Variants in CPED1 observed in about 807,000 individuals in gnomAD.
CPED1 encodes cadherin like and PC-esterase domain containing 1.
Under a neutral mutation model 128.2 loss-of-function variants are expected in CPED1, and 114 were observed. That is an observed-to-expected ratio of 0.89 (90% CI 0.76 to 1.04). The LOEUF (loss-of-function observed/expected upper bound fraction) is 1.04. Among genes scored for constraint, CPED1 ranks in the 50% least tolerant of loss-of-function variants. The probability of loss-of-function intolerance (pLI) is 0.00; values close to 1 mark genes in which losing one functional copy is unlikely to be tolerated. For synonymous variants in CPED1, 462 were observed against 426.7 expected, an observed-to-expected ratio of 1.08 and a Z score of -1.02; for missense variants, 1,211 against 1,207.1, an observed-to-expected ratio of 1.00 and a Z score of -0.05.
In CPED1 at chr7:121,099,391, A is replaced by G. The variant is rs185959131; in HGVS notation, c.750-535A>G. 2.4e-4 allele frequency among the ~76,000 whole-genome samples: 37 copies of G among 152,236 alleles called. 1 individual carries two copies. Among genetic ancestry groups the G allele is most frequent in the African/African-American group, 8.4e-4 (35 of 41,546 alleles). On this transcript the variant is annotated intron_variant, in intron 6 of 22. Transcript: ENST00000310396. ...ATTAATTAATTTATTTATTTGAGAC[A>G]AAGTCTTGCTCTGTTGCCCAAGCTG...
chr7:121,092,504 C>T (rs1276913575), intron 5 of CPED1, among the ~76,000 whole-genome samples: 1 of 152,124 alleles, frequency 6.6e-6, no homozygotes, highest in East Asian at 1.9e-4. Context: ...GAATCTTTGC[C>T]GTCATGGAGC....
At chr7:121,089,874 A>G (rs946662522) in intron 5 of CPED1, among the ~76,000 whole-genome samples, 3 of 152,166 alleles carry the variant, frequency 2.0e-5, no homozygotes, top group African/African-American at 7.2e-5. Context: ...TTTTTAAAAA[A>G]ATGTCATTTC....
At chr7:121,128,622 T>C (rs948590034) in intron 11 of CPED1, 136 bp downstream of exon 11, 9 of 582,046 alleles carry the variant, frequency 1.5e-5, no homozygotes, top group Admixed American at 3.0e-5. Flanking sequence ...TACTTTGCTC[T>C]TTCAGAGATC....
intron 16 of CPED1, among the ~76,000 whole-genome samples, chr7:121,180,576 A>G (rs920450925): frequency 6.6e-6 from 1 of 152,022 alleles, no homozygotes; most frequent in Non-Finnish European, 1.5e-5. Flanking sequence ...GGGTTCTCTC[A>G]GTGGGTCACA....
intron 16 of CPED1, among the ~76,000 whole-genome samples, chr7:121,159,106 T>C (rs935175852): frequency 6.6e-6 from 1 of 152,112 alleles, no homozygotes; most frequent in East Asian, 1.9e-4. Flanking sequence ...TTTCAGACTC[T>C]CTCCAAAACT....
chr7:121,047,619 C>T (rs2116904883), intron 4 of CPED1, among the ~76,000 whole-genome samples: 1 of 150,894 alleles, frequency 6.6e-6, no homozygotes, highest in Admixed American at 6.6e-5. Context: ...ACTTGATATT[C>T]CTACAATTCG....
intron 4 of CPED1, chr7:121,052,082 T>C (rs1007206323): frequency 6.6e-6 from 1 of 152,378 alleles, no homozygotes; most frequent in African/African-American, 2.4e-5. Context: ...GTATGCTGTT[T>C]CAGACCATTA....
chr7:121,023,923 A>C (rs1792504113), intron 3 of CPED1, among the ~76,000 whole-genome samples: 1 of 152,154 alleles, frequency 6.6e-6, no homozygotes, highest in African/African-American at 2.4e-5. Flanking sequence ...TGCCTAGAAC[A>C]CGTTTGACAT....
chr7:121,072,841 A>G (rs1487121054), intron 5 of CPED1, among the ~76,000 whole-genome samples: 1 of 152,222 alleles, frequency 6.6e-6, no homozygotes, highest in African/African-American at 2.4e-5. Context: ...ATTTCATACG[A>G]AAAATTTAAA....
chr7:121,222,807 G>C (rs894026241), intron 16 of CPED1, among the ~76,000 whole-genome samples: 1 of 152,150 alleles, frequency 6.6e-6, no homozygotes, highest in South Asian at 2.1e-4. Context: ...CATTGATTTT[G>C]TATCCTGAGA....
chr7:121,123,998 G>A (rs1000297132), intron 7 of CPED1, among the ~76,000 whole-genome samples: 5 of 152,070 alleles, frequency 3.3e-5, no homozygotes, highest in African/African-American at 9.7e-5. Context: ...CTGAGCAGTG[G>A]GTGGCAAGCC....
At chr7:121,141,827 A>G (rs189840846) in intron 15 of CPED1, 146 bp from the exon 16 acceptor site, 1 of 586,330 alleles carries the variant, frequency 1.7e-6, no homozygotes, top group Non-Finnish European at 2.9e-6. Context: ...ATTTATTTTC[A>G]TAGTTTAGGT....
chr7:121,166,678 T>C (rs1004640304), intron 16 of CPED1, among the ~76,000 whole-genome samples: 2 of 152,182 alleles, frequency 1.3e-5, no homozygotes, highest in Admixed American at 1.3e-4. Flanking sequence ...ATTATTTTGG[T>C]TCTTCTTCTT....
At chr7:121,168,986 A>G (rs935188997) in intron 16 of CPED1, among the ~76,000 whole-genome samples, 6 of 152,236 alleles carry the variant, frequency 3.9e-5, no homozygotes, top group South Asian at 2.1e-4. Context: ...GTATACATTT[A>G]TAATGGCTGA....
rs1795729461 is a variant in CPED1, at chr7:121,133,903, T to C, written c.1648+10T>C. Reference sequence around the variant, plus strand: ...ATAGAAAATAAAAAAGGTAAAAATATAGATATTCCCACTTATTTCAACATA... The same window carrying C: ...ATAGAAAATAAAAAAGGTAAAAATACAGATATTCCCACTTATTTCAACATA... On this transcript the variant is annotated intron_variant, in intron 13 of 22. Transcript: ENST00000310396. 7.0e-7 allele frequency: 1 copy of C among 1,435,408 alleles called. No individual in the cohort carries two copies. The highest frequency in any genetic ancestry group is 1.4e-5 in the African/African-American group (1 of 71,052). 88.9% of individuals were successfully genotyped at this position (1,435,408 alleles called of 1,614,324 possible).
intron 16 of CPED1, among the ~76,000 whole-genome samples, chr7:121,212,151 G>A (rs183376515): frequency 1.1e-4 from 17 of 152,072 alleles, no homozygotes; most frequent in African/African-American, 3.9e-4. Flanking sequence ...GCTGTGTTGG[G>A]TTCTGAACAA....
chr7:121,014,405 G>T (rs1033679387), intron 2 of CPED1, among the ~76,000 whole-genome samples: 7 of 152,028 alleles, frequency 4.6e-5, no homozygotes, highest in South Asian at 2.1e-4. Context: ...ACAAAAATTA[G>T]CCAGGCGTGG....
chr7:121,231,527 A>C (rs1392080299), intron 16 of CPED1, among the ~76,000 whole-genome samples: 1 of 152,148 alleles, frequency 6.6e-6, no homozygotes, highest in Non-Finnish European at 1.5e-5. Context: ...TCCAGGCAGT[A>C]CTGAGAGACC....
At chr7:121,168,180 G>A (rs73436009) in intron 16 of CPED1, among the ~76,000 whole-genome samples, 1 of 152,130 alleles carries the variant, frequency 6.6e-6, no homozygotes, top group African/African-American at 2.4e-5. Flanking sequence ...ACTGGTCAGA[G>A]GTTTAATATG....
Sources: allele counts gnomAD v4.1 joint callset (sites outside exome capture counted in the v4.1 genomes callset), GRCh38; gene constraint gnomAD v4.1.1; transcripts MANE v1.5; gene names NCBI Gene and HGNC (gene_info 2026-07-23, HGNC 2026-07-21).